KIF20A: variants seen among roughly 807,000 people sequenced by gnomAD.
The protein encoded by KIF20A is kinesin-like protein KIF20A.
In KIF20A, 66 loss-of-function variants were observed where a neutral mutation model predicts 113.0. That is an observed-to-expected ratio of 0.58 (90% CI 0.48 to 0.72). The LOEUF (loss-of-function observed/expected upper bound fraction) is 0.72, where lower values mean the gene tolerates loss of function less well. Among genes scored for constraint, KIF20A ranks in the 30% least tolerant of loss-of-function variants. KIF20A has a pLI of 0.00. For synonymous variants in KIF20A, 376 were observed against 402.3 expected, an observed-to-expected ratio of 0.93 and a Z score of 0.78; for missense variants, 927 against 1,077.6, an observed-to-expected ratio of 0.86 and a Z score of 1.96.
chr5:138,183,450 C>T lies in KIF20A; in HGVS notation c.1028-20C>T, dbSNP rs1581478313. 6.2e-7 allele frequency: 1 copy of T among 1,611,596 alleles called. No homozygotes were observed. Among genetic ancestry groups the T allele is most frequent in the Admixed American group, 1.7e-5 (1 of 60,000 alleles). On this transcript the variant is annotated intron_variant, in intron 8 of 18. Coordinates refer to ENST00000394894, the MANE Select transcript of KIF20A (RefSeq NM_005733.3). The surrounding 1 kb of genome is among the most constrained non-coding windows in gnomAD (Gnocchi z 5.2). ...AAGAGTTGGATGTTCCCATCTTACACCCCTCTCCTTTGGCCCCAGATCTCA... is the reference window on the plus strand; with the variant it reads ...AAGAGTTGGATGTTCCCATCTTACATCCCTCTCCTTTGGCCCCAGATCTCA...
At chr5:138,181,943 T>G in intron 4 of KIF20A, 1 of 605,476 alleles carries the variant, frequency 1.7e-6, no homozygotes, top group Non-Finnish European at 2.9e-6. Context: ...TTCCTTATTT[T>G]CCTCACAAGG....
In KIF20A at chr5:138,185,530, G is replaced by A. The variant is rs753228017; in HGVS notation, c.1945G>A (p.Glu649Lys). The change falls in exon 16 of 19, where the codon GAA becomes AAA. Residue 649 changes from glutamate to lysine, a missense_variant. Physicochemically the swap from Glu to Lys is moderately conservative, Grantham distance 56 (BLOSUM62 1). Coordinates refer to ENST00000394894, the MANE Select transcript of KIF20A (RefSeq NM_005733.3). Reference sequence around the variant, plus strand: ...CTCTTAGGAGCGGGATGAAAAGATTGAAGAGCTAGAAGCTCTCTTGCAGGA... The same window carrying A: ...CTCTTAGGAGCGGGATGAAAAGATTAAAGAGCTAGAAGCTCTCTTGCAGGA... The part of the protein sequence containing the change: ...EEIQERDEKI[E>K]ELEALLQEAR... The A allele has an allele frequency of 9.9e-6, 16 of 1,613,416 alleles. No homozygotes were observed. The highest frequency in any genetic ancestry group is 1.3e-5 in the Non-Finnish European group (15 of 1,179,998).
chr5:138,184,832 T>C lies in KIF20A; in HGVS notation c.1709T>C (p.Met570Thr). The change falls in exon 14 of 19, where the codon ATG becomes ACG. Residue 570 changes from methionine to threonine, a missense_variant. Coordinates refer to ENST00000394894, the MANE Select transcript of KIF20A (RefSeq NM_005733.3). ...GAGCTCCTACAAGTTGTGGAAGCCA[T>C]GAAGACACTGCTTTTGAAGGAACGA... is the stretch of plus-strand genomic sequence containing the variant. ...KEELLQVVEAMKTLLLKERQE... is the reference protein window; with the variant it reads ...KEELLQVVEATKTLLLKERQE... 6.2e-7 allele frequency: 1 copy of C among 1,614,138 alleles called. No homozygotes were observed. Among genetic ancestry groups the C allele is most frequent in the Non-Finnish European group, 8.5e-7 (1 of 1,180,000 alleles).
At position 138,182,311 on chromosome 5, in the gene KIF20A, GTCTC is replaced by G. The variant is rs1218389670; in HGVS notation, c.376-6_376-3del. The G allele has an allele frequency of 6.2e-7, 1 of 1,609,864 alleles. No individual in the cohort carries two copies. Among genetic ancestry groups the G allele is most frequent in the South Asian group, 1.1e-5 (1 of 90,464 alleles). On this transcript the variant is annotated splice_polypyrimidine_tract_variant and splice_region_variant and intron_variant, in intron 4 of 18. Coordinates refer to ENST00000394894, the MANE Select transcript of KIF20A (RefSeq NM_005733.3). ...GAAGGAGAGGCCTCTAAAAAACTGG[GTCTC>G]TCTCTAGATCTTTGGGCCAGAAGTG...
chr5:138,179,847 T>A lies in KIF20A; in HGVS notation c.165+2T>A. On this transcript the variant is annotated splice_donor_variant, in intron 2 of 18. Transcript: ENST00000394894. LOFTEE classifies it high-confidence loss of function. ...ACCTCCCTAGAGGACAAGCAGCAGGTAAAGGAACTGGGGAGTGGCTGGGGC... is the reference window on the plus strand; with the variant it reads ...ACCTCCCTAGAGGACAAGCAGCAGGAAAAGGAACTGGGGAGTGGCTGGGGC... 1 of 1,613,636 alleles carries A rather than the reference T, an allele frequency of 6.2e-7. No homozygotes were observed. Among genetic ancestry groups the A allele is most frequent in the South Asian group, 1.1e-5 (1 of 91,062 alleles).
At position 138,187,538 on chromosome 5, in the gene KIF20A, C is replaced by A; in HGVS notation, c.*125C>A. The stretch of plus-strand genomic sequence containing the variant: ...ATATCCAGGATGCAATACTCAGACA[C>A]TAGCTTTTTTCTCACTTTTGTATTA... On this transcript the variant is annotated 3_prime_UTR_variant, in exon 19 of 19. Coordinates refer to ENST00000394894, the MANE Select transcript of KIF20A (RefSeq NM_005733.3). 1 of 751,066 alleles carries A rather than the reference C, an allele frequency of 1.3e-6. No individual in the cohort carries two copies. The highest frequency in any genetic ancestry group is 2.1e-6 in the Non-Finnish European group (1 of 477,566). The allele number at this position is 751,066 out of a possible 1,614,324, so 46.5% of individuals were successfully genotyped here.
intron 14 of KIF20A, 46 bp downstream of exon 14, chr5:138,184,992 G>A (rs756822504): frequency 6.2e-7 from 1 of 1,608,724 alleles, no homozygotes; most frequent in Non-Finnish European, 8.5e-7. Context: ...GAGACAGAGG[G>A]TGGGAAGTAA....
intron 15 of KIF20A, 139 bp downstream of exon 15, chr5:138,185,336 G>T: frequency 1.2e-6 from 1 of 833,400 alleles, no homozygotes; most frequent in East Asian, 2.5e-5. Context: ...TAGTGCTTTG[G>T]GTTCAATCTA....
rs1424076187 is a variant in KIF20A, at chr5:138,183,093, C to T, written c.833-76C>T. 16 of 1,599,320 alleles carry T rather than the reference C, an allele frequency of 1.0e-5. No individual in the cohort carries two copies. The Admixed American group carries it at 2.5e-4, about 25-fold the overall frequency. On this transcript the variant is annotated intron_variant, in intron 7 of 18. Coordinates refer to ENST00000394894, the MANE Select transcript of KIF20A (RefSeq NM_005733.3). The surrounding 1 kb of genome is among the most constrained non-coding windows in gnomAD (Gnocchi z 5.2). The stretch of plus-strand genomic sequence containing the variant: ...CCAGAGGTTGCAATCTAAGGTCTGC[C>T]TTCCAAGGCCCCTGCAGGCCAAAAG...
chr5:138,180,031 T>TA (rs573271439), intron 2 of KIF20A, among the ~76,000 whole-genome samples, 186 bp downstream of exon 2: 38 of 149,926 alleles, frequency 2.5e-4, no homozygotes, highest in Middle Eastern at 3.4e-3. Flanking sequence ...GCATGACAAG[T>TA]AAAAAAAAAA....
chr5:138,182,559 A>G, intron 5 of KIF20A, 27 bp from the exon 6 acceptor site: 3 of 1,613,860 alleles, frequency 1.9e-6, no homozygotes, highest in Non-Finnish European at 2.5e-6. Context: ...CACTTGCCTC[A>G]GCTGTCCATC....
Position 138,183,554 on chromosome 5 carries a change from C to A in KIF20A, c.1112C>A (p.Thr371Asn). The change falls in exon 9 of 19, where the codon ACC becomes AAC. Residue 371 changes from threonine to asparagine, a missense_variant. Physicochemically the swap from Thr to Asn is moderately conservative, Grantham distance 65. Coordinates refer to ENST00000394894, the MANE Select transcript of KIF20A (RefSeq NM_005733.3). This position sits in a 1 kb window ranked among gnomAD's most constrained non-coding sequence, Gnocchi z 5.2. ...VGRKNQSFASTHLNQNSSRSH... is the reference protein window; with the variant it reads ...VGRKNQSFASNHLNQNSSRSH... ...CGTAAGAACCAGAGCTTTGCCAGCA[C>A]CCACCTCAACCAGAACTCCAGCCGC... 1 of 1,614,048 alleles carries A rather than the reference C, an allele frequency of 6.2e-7. No individual in the cohort carries two copies. The highest frequency in any genetic ancestry group is 2.2e-5 in the East Asian group (1 of 44,868).
rs1398169795 is a variant in KIF20A at position 138,184,833 on chromosome 5, G to A, written c.1710G>A (p.Met570Ile). ...KEELLQVVEA[M>I]KTLLLKERQE... ...AGCTCCTACAAGTTGTGGAAGCCAT[G>A]AAGACACTGCTTTTGAAGGAACGAC... The change falls in exon 14 of 19, where the codon ATG (methionine) becomes ATA (isoleucine). Residue 570 changes from methionine to isoleucine, a missense_variant. Coordinates refer to ENST00000394894, the MANE Select transcript of KIF20A (RefSeq NM_005733.3). The A allele has an allele frequency of 6.2e-6, 10 of 1,614,088 alleles. No homozygotes were observed. In the East Asian group the frequency reaches 8.9e-5, roughly 14 times the overall value.
chr5:138,185,057 C>T (rs769104472), intron 14 of KIF20A, 38 bp from the exon 15 acceptor site: 1 of 1,593,612 alleles, frequency 6.3e-7, no homozygotes, highest in Non-Finnish European at 8.6e-7. Flanking sequence ...CTCCTCAGAA[C>T]CTTCACTTAC....
At position 138,183,313 on chromosome 5, in the gene KIF20A, G is replaced by A. The variant is rs1348579932; in HGVS notation, c.977G>A (p.Arg326Lys). 1.2e-6 allele frequency: 2 copies of A among 1,614,230 alleles called. No homozygotes were observed. Among genetic ancestry groups the A allele is most frequent in the South Asian group, 1.1e-5 (1 of 91,082 alleles). ...GAACCGCCTAGCCAACAGCGCAAGAGGCAGACTTTGCGGCTATGCGAGGAT... is the reference window on the plus strand; with the variant it reads ...GAACCGCCTAGCCAACAGCGCAAGAAGCAGACTTTGCGGCTATGCGAGGAT... ...LLEPPSQQRK[R>K]QTLRLCEDQN... Residue 326 changes from arginine to lysine, a missense_variant, in exon 8 of 19, where the codon AGG (arginine) becomes AAG (lysine). Physicochemically the swap from Arg to Lys is conservative, Grantham distance 26 (BLOSUM62 2). Coordinates refer to ENST00000394894, the MANE Select transcript of KIF20A (RefSeq NM_005733.3). This position sits in a 1 kb window ranked among gnomAD's most constrained non-coding sequence, Gnocchi z 5.2.
At position 138,183,374 on chromosome 5, in the gene KIF20A, A is replaced by G. The variant is rs777023498; in HGVS notation, c.1027+11A>G. On this transcript the variant is annotated intron_variant, in intron 8 of 18. Coordinates refer to ENST00000394894, the MANE Select transcript of KIF20A (RefSeq NM_005733.3). This position sits in a 1 kb window ranked among gnomAD's most constrained non-coding sequence, Gnocchi z 5.2. Reference sequence around the variant, plus strand: ...ATCCCTATGTGAAAGGTAAAGGAACATGGGGAAAGCTGGCATGAACCCTGG... The same window carrying G: ...ATCCCTATGTGAAAGGTAAAGGAACGTGGGGAAAGCTGGCATGAACCCTGG... 7 of 1,613,878 alleles carry G rather than the reference A, an allele frequency of 4.3e-6. No individual in the cohort carries two copies. The highest frequency in any genetic ancestry group is 1.6e-4 in the Middle Eastern group (1 of 6,078).
In KIF20A at chr5:138,184,540, G is replaced by A; in HGVS notation, c.1547G>A (p.Gly516Glu). 10 of 1,613,982 alleles carry A rather than the reference G, an allele frequency of 6.2e-6. No homozygotes were observed. The highest frequency in any genetic ancestry group is 8.5e-6 in the Non-Finnish European group (10 of 1,179,928). Residue 516 changes from glycine to glutamate, a missense_variant, in exon 13 of 19, where the codon GGA (glycine) becomes GAA (glutamate). Physicochemically the swap from Gly to Glu is moderately conservative, Grantham distance 98. Transcript: ENST00000394894. Reference protein sequence around the residue: ...QLVHAPPMQLGFPSLHSFIKE... With the variant: ...QLVHAPPMQLEFPSLHSFIKE... ...GTGCATGCCCCACCTATGCAACTGG[G>A]ATTCCCATCCCTGCACTCGTTCATC...
chr5:138,180,336 T>C (rs748987986), intron 2 of KIF20A, among the ~76,000 whole-genome samples: 11 of 152,240 alleles, frequency 7.2e-5, no homozygotes, highest in Non-Finnish European at 1.0e-4. Flanking sequence ...GGATCTGTCC[T>C]GTACATTTCA....
rs200853662 is a variant in KIF20A, at chr5:138,182,640, G to T, written c.569G>T (p.Ser190Ile). 31 of 1,614,148 alleles carry T rather than the reference G, an allele frequency of 1.9e-5. No homozygotes were observed. The highest frequency in any genetic ancestry group is 2.6e-5 in the Non-Finnish European group (31 of 1,180,040). ...CGGTCCCTGGCGCTGATCTTCAATA[G>T]CCTCCAAGGCCAACTTCATCCAACA... ...LPRSLALIFN[S>I]LQGQLHPTPD... The change falls in exon 6 of 19, where the codon AGC (serine) becomes ATC (isoleucine). Residue 190 changes from serine (S) to isoleucine (I), a missense_variant. Physicochemically the swap from Ser to Ile is moderately radical, Grantham distance 142. Coordinates refer to ENST00000394894, the MANE Select transcript of KIF20A (RefSeq NM_005733.3).
Sources: gnomAD v4.1 joint callset for allele counts (sites outside exome capture counted in the v4.1 genomes callset) on GRCh38, gnomAD v4.1.1 for gene constraint, Gnocchi (gnomAD v3.1) non-coding constraint, MANE v1.5 for transcripts, NCBI Gene and HGNC (gene_info 2026-07-23, HGNC 2026-07-21) for gene names.